Variants in NCAM2 observed in about 807,000 individuals in gnomAD.
NCAM2 encodes N-CAM-2.
Under a neutral mutation model 98.1 loss-of-function variants are expected in NCAM2, and 30 were observed. The observed-to-expected ratio is 0.31, with a 90% CI of 0.23 to 0.41. NCAM2 has a LOEUF of 0.41. NCAM2 is among the 10% of genes least tolerant of loss of function. The pLI is 1.00. For synonymous variants in NCAM2, 368 were observed against 342.4 expected (o/e 1.07, Z -0.83); for missense variants, 867 against 1,005.8 (o/e 0.86, Z 1.87).
intron 16 of NCAM2, among the ~76,000 whole-genome samples, chr21:21,509,516 T>G (rs1337609591): frequency 6.6e-6 from 1 of 152,162 alleles, no homozygotes; most frequent in East Asian, 1.9e-4. Context: ...GCTTCATGAT[T>G]TTTTGTATAG....
In NCAM2 at chr21:21,281,099, G is replaced by A. The variant is rs1339484041; in HGVS notation, c.130+447G>A. 2.6e-5 allele frequency among the ~76,000 whole-genome samples: 4 copies of A among 152,044 alleles called. No homozygotes were observed. The South Asian group carries it at 6.2e-4, about 24-fold the overall frequency. On this transcript the variant is annotated intron_variant, in intron 2 of 17. Transcript: ENST00000400546. ...AGCCATCATACCTGGCCATTGTTGG[G>A]CTTATAATGATTGGAAAAGTGTTAA... is the stretch of plus-strand genomic sequence containing the variant.
chr21:21,399,137 T>C (rs59210027), intron 9 of NCAM2, among the ~76,000 whole-genome samples: 12,937 of 152,192 alleles, frequency 0.085, 1,285 homozygotes, highest in African/African-American at 0.24. Flanking sequence ...TCACAATGCT[T>C]CCATAAATAT....
chr21:21,201,030 G>A (rs996358329), intron 1 of NCAM2, among the ~76,000 whole-genome samples: 1 of 152,054 alleles, frequency 6.6e-6, no homozygotes, highest in Non-Finnish European at 1.5e-5. Flanking sequence ...TTTCAAAGCA[G>A]TTTGACAACA....
intron 8 of NCAM2, among the ~76,000 whole-genome samples, chr21:21,341,658 T>C (rs77618283): frequency 0.017 from 2,621 of 151,834 alleles, 74 homozygotes; most frequent in African/African-American, 0.06. Context: ...TTAGCAAATA[T>C]GTTCATCATT....
At chr21:21,331,534 TACTCTATATAC>T (rs1242762523) in intron 6 of NCAM2, among the ~76,000 whole-genome samples, 20 of 10,910 alleles carry the variant, frequency 1.8e-3, no homozygotes, top group Non-Finnish European at 3.4e-3. Flanking sequence ...TATATATATA[TACTCTATATAC>T]ATATATATAT....
intron 15 of NCAM2, among the ~76,000 whole-genome samples, chr21:21,504,538 A>G (rs771632500): frequency 6.6e-6 from 1 of 151,926 alleles, no homozygotes; most frequent in Non-Finnish European, 1.5e-5. Flanking sequence ...ATGTCATTTC[A>G]TATGTGCTTA....
At chr21:21,123,395 C>A (rs1762703009) in intron 1 of NCAM2, among the ~76,000 whole-genome samples, 1 of 34,984 alleles carries the variant, frequency 2.9e-5, no homozygotes, top group African/African-American at 7.3e-5. Context: ...AAGAGACTCC[C>A]TCTCAAAAAA....
chr21:21,088,904 G>A (rs369651901), intron 1 of NCAM2, among the ~76,000 whole-genome samples: 221 of 151,684 alleles, frequency 1.5e-3, no homozygotes, highest in African/African-American at 4.6e-3. Context: ...CTCGGGAGGC[G>A]GAGCTTGCAG....
At chr21:21,141,434 A>T (rs1179845842) in intron 1 of NCAM2, among the ~76,000 whole-genome samples, 2 of 152,210 alleles carry the variant, frequency 1.3e-5, no homozygotes, top group African/African-American at 4.8e-5. Flanking sequence ...ATATTTTTAT[A>T]AAAAATCCTC....
rs199610878 is a variant in NCAM2 at position 21,264,898 on chromosome 21, G to A, written c.56-15680G>A. On this transcript the variant is annotated intron_variant, in intron 1 of 17. Transcript: ENST00000400546. ...CATAGTGGGATATATATATGTGTGTGTATATATATACACATATATTAGATA... is the reference window on the plus strand; with the variant it reads ...CATAGTGGGATATATATATGTGTGTATATATATATACACATATATTAGATA... Among the ~76,000 whole-genome samples the A allele has an allele frequency of 2.2e-3, 71 of 32,930 alleles. 1 individual carries two copies. The Admixed American group carries it at 0.025, about 12-fold the overall frequency. The allele number at this position is 32,930 out of a possible 152,430, so 21.6% of individuals were successfully genotyped here. A position where few individuals can be genotyped will look rare whatever the true frequency, so the allele number is the denominator to read the frequency against.
At chr21:21,415,904 A>T (rs2076985437) in intron 10 of NCAM2, among the ~76,000 whole-genome samples, 1 of 152,162 alleles carries the variant, frequency 6.6e-6, no homozygotes, top group South Asian at 2.1e-4. Context: ...ATATTTCTCC[A>T]TAACATGAGT....
chr21:21,438,770 CA>C (rs1881484736), intron 12 of NCAM2, among the ~76,000 whole-genome samples: 1 of 151,722 alleles, frequency 6.6e-6, no homozygotes. Flanking sequence ...TTTCTTAATA[CA>C]AATGACAATA....
chr21:21,136,430 C>G (rs1009576924), intron 1 of NCAM2, among the ~76,000 whole-genome samples: 31 of 151,470 alleles, frequency 2.0e-4, no homozygotes, highest in Non-Finnish European at 4.1e-4. Context: ...TATGGGATAC[C>G]CACATGCTAA....
intron 6 of NCAM2, among the ~76,000 whole-genome samples, 166 bp downstream of exon 6, chr21:21,324,666 C>T (rs2074466464): frequency 6.6e-6 from 1 of 152,006 alleles, no homozygotes; most frequent in East Asian, 1.9e-4. Context: ...GATTAAACTG[C>T]TAAAGAGATC....
chr21:21,181,528 T>A (rs1463026259), intron 1 of NCAM2, among the ~76,000 whole-genome samples: 1 of 152,182 alleles, frequency 6.6e-6, no homozygotes, highest in Non-Finnish European at 1.5e-5. Context: ...GTCTTATTTC[T>A]CTTAAAATAT....
At chr21:21,401,406 AACTT>A (rs1379045749) in intron 9 of NCAM2, among the ~76,000 whole-genome samples, 2 of 152,160 alleles carry the variant, frequency 1.3e-5, no homozygotes, top group Non-Finnish European at 2.9e-5. Flanking sequence ...ACATCTCAAA[AACTT>A]ACTTCTGTTG....
intron 1 of NCAM2, among the ~76,000 whole-genome samples, chr21:21,230,321 G>T (rs1201067099): frequency 6.7e-6 from 1 of 150,226 alleles, no homozygotes; most frequent in Non-Finnish European, 1.5e-5. Context: ...TTTTTTTTGA[G>T]ATTATGATGA....
Position 21,329,989 on chromosome 21 carries a change from T to G in NCAM2, c.737+5489T>G, listed in dbSNP as rs1015172334. Reference sequence around the variant, plus strand: ...TTCAATTTGCATGTTTTCTGTAGTATTCTCCCCTCTCTCATCTTGATAACC... The same window carrying G: ...TTCAATTTGCATGTTTTCTGTAGTAGTCTCCCCTCTCTCATCTTGATAACC... On this transcript the variant is annotated intron_variant, in intron 6 of 17. Transcript: ENST00000400546. Among the ~76,000 whole-genome samples, 5 of 152,228 alleles carry G rather than the reference T, an allele frequency of 3.3e-5. No homozygotes were observed. In the East Asian group the frequency reaches 5.8e-4, roughly 18 times the overall value.
chr21:21,359,266 A>G (rs562995787), intron 8 of NCAM2, among the ~76,000 whole-genome samples: 15 of 152,080 alleles, frequency 9.9e-5, no homozygotes, highest in African/African-American at 3.6e-4. Context: ...GGATACTTCT[A>G]TTCCCCATCT....
Sources: gnomAD v4.1 joint callset for allele counts (sites outside exome capture counted in the v4.1 genomes callset) on GRCh38, gnomAD v4.1.1 for gene constraint, MANE v1.5 for transcripts, NCBI Gene and HGNC (gene_info 2026-07-23, HGNC 2026-07-21) for gene names.